NEDD4: variants seen among roughly 807,000 people sequenced by gnomAD.
The protein encoded by NEDD4 is E3 ubiquitin-protein ligase NEDD4.
Under a neutral mutation model 144.9 loss-of-function variants are expected in NEDD4, and 99 were observed. The observed-to-expected ratio is 0.68, with a 90% CI of 0.58 to 0.81. The LOEUF is 0.81. Ranked by LOEUF, NEDD4 falls within the 30% of genes least tolerant of loss-of-function variation. The pLI is 0.00. For missense variants in NEDD4, 985 were observed against 1,065.9 expected, an observed-to-expected ratio of 0.92 and a Z score of 1.06; for synonymous variants, 318 against 350.6, an observed-to-expected ratio of 0.91 and a Z score of 1.04.
chr15:55,955,430 A>C (rs1595873880), intron 2 of NEDD4, among the ~76,000 whole-genome samples: 1 of 152,082 alleles, frequency 6.6e-6, no homozygotes, highest in African/African-American at 2.4e-5. Flanking sequence ...TGCTTGACTC[A>C]AGTTTAATGC....
chr15:55,975,809 C>T (rs1260804306), intron 1 of NEDD4, among the ~76,000 whole-genome samples: 2 of 152,018 alleles, frequency 1.3e-5, no homozygotes, highest in African/African-American at 4.8e-5. Context: ...CACAAAAGAC[C>T]CAGAATAGCC....
At chr15:55,936,756 G>A (rs2036896780) in intron 4 of NEDD4, among the ~76,000 whole-genome samples, 1 of 151,398 alleles carries the variant, frequency 6.6e-6, no homozygotes, top group South Asian at 2.1e-4. Context: ...CTCTAAGCAT[G>A]TAAAGTGTAG....
At chr15:55,927,163 T>C (rs2036690279) in intron 4 of NEDD4, among the ~76,000 whole-genome samples, 1 of 151,562 alleles carries the variant, frequency 6.6e-6, no homozygotes, top group Non-Finnish European at 1.5e-5. Context: ...AGAAGAACTT[T>C]TGAGGAGATG....
At chr15:55,830,613 A>C (rs770890186) in intron 27 of NEDD4, 27 bp from the exon 28 acceptor site, 4 of 1,598,770 alleles carry the variant, frequency 2.5e-6, no homozygotes, top group Non-Finnish European at 3.4e-6. Flanking sequence ...ATTTGGTTTC[A>C]TTTACTCTCT....
rs529682676 is a variant in NEDD4, at chr15:55,963,950, G to A, written c.119+2523C>T. Among the ~76,000 whole-genome samples, 12 of 152,128 alleles carry A rather than the reference G, an allele frequency of 7.9e-5. No homozygotes were observed. The South Asian group carries it at 8.3e-4, about 11-fold the overall frequency. On this transcript the variant is annotated intron_variant, in intron 2 of 28. Coordinates refer to ENST00000435532, the MANE Select transcript of NEDD4 (RefSeq NM_006154.4). The stretch of plus-strand genomic sequence containing the variant: ...ATTGTTCCATTTTCTCCTGGTCTCC[G>A]TAGTTTTGGGTAGGAAGTCAGTAAT...
intron 1 of NEDD4, among the ~76,000 whole-genome samples, chr15:55,967,650 T>A (rs566749392): frequency 1.3e-5 from 2 of 152,118 alleles, no homozygotes; most frequent in South Asian, 2.1e-4. Flanking sequence ...GTATATTTTT[T>A]AAAAAATTCA....
intron 8 of NEDD4, among the ~76,000 whole-genome samples, chr15:55,867,163 C>T (rs1405434906): frequency 6.6e-6 from 1 of 152,162 alleles, no homozygotes; most frequent in Non-Finnish European, 1.5e-5. Context: ...TTCAAAATTA[C>T]AATTGTTTTC....
Position 55,862,851 on chromosome 15 carries a change from A to G in NEDD4, c.674+62T>C, listed in dbSNP as rs183510055. On this transcript the variant is annotated intron_variant, in intron 9 of 28. Coordinates refer to ENST00000435532, the MANE Select transcript of NEDD4 (RefSeq NM_006154.4). Reference sequence around the variant, plus strand: ...ATGAATCCATCTGAGACATGACTTCAAAATGAAAATTCGTAGTTAAAGTGT... The same window carrying G: ...ATGAATCCATCTGAGACATGACTTCGAAATGAAAATTCGTAGTTAAAGTGT... 2.5e-3 allele frequency: 3,641 copies of G among 1,447,322 alleles called. 9 individuals carry two copies. The highest frequency in any genetic ancestry group is 3.2e-3 in the Non-Finnish European group (3,383 of 1,069,642). The allele number at this position is 1,447,322 out of a possible 1,614,324, so 89.7% of individuals were successfully genotyped here. A position where few individuals can be genotyped will look rare whatever the true frequency, so the allele number is the denominator to read the frequency against.
Position 55,852,690 on chromosome 15 carries a change from A to AATATATATATATATAT in NEDD4, c.1027-163_1027-148dup, listed in dbSNP as rs59736982. On this transcript the variant is annotated intron_variant, in intron 12 of 28. Transcript: ENST00000435532. ...TTACTACAGTTTTGCCTTTTCTAGA[A>AATATATATATATATAT]ATATATATATATATATATATATATA... is the stretch of plus-strand genomic sequence containing the variant. The AATATATATATATATAT allele has an allele frequency of 3.8e-4, 70 of 182,346 alleles. 1 individual carries two copies. Among genetic ancestry groups the AATATATATATATATAT allele is most frequent in the African/African-American group, 1.7e-3 (59 of 35,434 alleles). The allele number at this position is 182,346 out of a possible 1,614,324, so 11.3% of individuals were successfully genotyped here. A position where few individuals can be genotyped will look rare whatever the true frequency, so the allele number is the denominator to read the frequency against.
chr15:55,977,440 G>C (rs185366530), intron 1 of NEDD4, among the ~76,000 whole-genome samples: 13 of 152,256 alleles, frequency 8.5e-5, no homozygotes, highest in Admixed American at 6.5e-4. Flanking sequence ...TGATGAAATT[G>C]CCTAATGACA....
At chr15:55,845,966 A>C (rs1297972338) in intron 18 of NEDD4, among the ~76,000 whole-genome samples, 4 of 151,802 alleles carry the variant, frequency 2.6e-5, no homozygotes, top group Non-Finnish European at 5.9e-5. Flanking sequence ...TTGTATTTTT[A>C]GTAGAGACGG....
chr15:55,889,303 T>G (rs1340326253), intron 5 of NEDD4, among the ~76,000 whole-genome samples: 1 of 152,202 alleles, frequency 6.6e-6, no homozygotes. Flanking sequence ...CTGTTCACAA[T>G]AGCCAAGATT....
intron 4 of NEDD4, among the ~76,000 whole-genome samples, chr15:55,938,320 C>T (rs1360865582): frequency 2.0e-5 from 3 of 152,096 alleles, no homozygotes; most frequent in Non-Finnish European, 4.4e-5. Context: ...GATCGTGCCA[C>T]TGCATTCCAG....
At chr15:55,850,485 A>G in intron 14 of NEDD4, 57 bp downstream of exon 14, 1 of 1,526,862 alleles carries the variant, frequency 6.5e-7, no homozygotes, top group Non-Finnish European at 9.1e-7. Flanking sequence ...TTAAGGAACT[A>G]TACATAAGAG....
At chr15:55,897,699 T>TC (rs1338363499) in intron 5 of NEDD4, among the ~76,000 whole-genome samples, 2 of 152,154 alleles carry the variant, frequency 1.3e-5, no homozygotes, top group Non-Finnish European at 2.9e-5. Flanking sequence ...GTTTATTAAT[T>TC]CCCTGCCCAT....
At position 55,848,427 on chromosome 15, in the gene NEDD4, A is replaced by G. The variant is rs375088434; in HGVS notation, c.1487T>C (p.Ile496Thr). The G allele has an allele frequency of 3.9e-5, 63 of 1,613,958 alleles. No individual in the cohort carries two copies. Among genetic ancestry groups the G allele is most frequent in the Non-Finnish European group, 5.0e-5 (59 of 1,179,862 alleles). ...DGRIFYINHN[I>T]KRTQWEDPRL... ...AGGATCTTCCCATTGTGTTCTTTTTATATCTGAAGGGAAGAAAAAGAAAAA... is the reference window on the plus strand; with the variant it reads ...AGGATCTTCCCATTGTGTTCTTTTTGTATCTGAAGGGAAGAAAAAGAAAAA... The change falls in exon 17 of 29, where the codon ATA becomes ACA. Residue 496 changes from isoleucine (I) to threonine (T), a missense_variant. Coordinates refer to ENST00000435532, the MANE Select transcript of NEDD4 (RefSeq NM_006154.4).
chr15:55,951,434 G>T lies in NEDD4; in HGVS notation c.199-20C>A. On this transcript the variant is annotated intron_variant, in intron 3 of 28. Transcript: ENST00000435532. ...CAAACTCTAAAAAATAATAAACATA[G>T]TATAACTAAATAAGGTTTTGTCTTA... The T allele has an allele frequency of 8.5e-7, 1 of 1,176,590 alleles. No individual in the cohort carries two copies. The highest frequency in any genetic ancestry group is 1.2e-6 in the Non-Finnish European group (1 of 835,806). The allele number at this position is 1,176,590 out of a possible 1,614,324, so 72.9% of individuals were successfully genotyped here.
chr15:55,903,947 G>T (rs1445555332), intron 5 of NEDD4, among the ~76,000 whole-genome samples: 2 of 151,710 alleles, frequency 1.3e-5, no homozygotes, highest in East Asian at 3.9e-4. Context: ...ATCACCTGAG[G>T]TCAGGAGTTT....
chr15:55,959,873 C>T (rs2037397654), intron 2 of NEDD4, among the ~76,000 whole-genome samples: 1 of 152,186 alleles, frequency 6.6e-6, no homozygotes, highest in Non-Finnish European at 1.5e-5. Context: ...CACAGCCCTA[C>T]CAATACCTTA....
Sources: gnomAD v4.1 joint callset for allele counts (sites outside exome capture counted in the v4.1 genomes callset) on GRCh38, gnomAD v4.1.1 for gene constraint, MANE v1.5 for transcripts, NCBI Gene and HGNC (gene_info 2026-07-23, HGNC 2026-07-21) for gene names.